Variants in ESYT3 observed in about 807,000 individuals in gnomAD.
The protein encoded by ESYT3 is extended synaptotagmin-3.
ESYT3 carries 101 observed loss-of-function variants against 111.5 expected under a neutral mutation model. The observed-to-expected ratio is 0.91, with a 90% confidence interval of 0.77 to 1.07. The LOEUF is 1.07. Ranked by LOEUF, ESYT3 falls within the 50% of genes least tolerant of loss-of-function variation. ESYT3 has a pLI of 0.00. For missense variants in ESYT3, 1,097 were observed against 1,109.4 expected (o/e 0.99, Z 0.16); for synonymous variants, 416 against 446.8 (o/e 0.93, Z 0.87).
chr3:138,437,308 G>A (rs913859678), intron 1 of ESYT3, among the ~76,000 whole-genome samples: 2 of 152,136 alleles, frequency 1.3e-5, no homozygotes, highest in Non-Finnish European at 2.9e-5. Context: ...TATTGTCCCC[G>A]AATCACAGCC....
chr3:138,460,032 CCGGTGAGTCCCAAGGA>C lies in ESYT3; in HGVS notation c.738_738+15del, dbSNP rs1210998951. 2.2e-5 allele frequency: 36 copies of C among 1,613,930 alleles called. No individual in the cohort carries two copies. The highest frequency in any genetic ancestry group is 5.0e-5 in the Admixed American group (3 of 60,002). On this transcript the variant is annotated splice_donor_variant and splice_donor_5th_base_variant and coding_sequence_variant and intron_variant, in exon 6 of 23. Transcript: ENST00000389567. LOFTEE classifies it high-confidence loss of function. Reference sequence around the variant, plus strand: ...CGTGACTGTGTTCTTCCTTCAGAAGCCGGTGAGTCCCAAGGACTGCGGTAAGCCTGCTGCTCCCTGG... The same window carrying C: ...CGTGACTGTGTTCTTCCTTCAGAAGCCTGCGGTAAGCCTGCTGCTCCCTGG...
chr3:138,476,222 G>A lies in ESYT3; in HGVS notation c.2469-1G>A, dbSNP rs201921469. On this transcript the variant is annotated splice_acceptor_variant, in intron 20 of 22. Transcript: ENST00000389567. LOFTEE classifies it high-confidence loss of function. Reference sequence around the variant, plus strand: ...TCTCACTTCCTTTTTGCTTCCTAAAGATTTGAATTTTTTGTTCCCATGGAA... The same window carrying A: ...TCTCACTTCCTTTTTGCTTCCTAAAAATTTGAATTTTTTGTTCCCATGGAA... 15 of 1,601,942 alleles carry A rather than the reference G, an allele frequency of 9.4e-6. No individual in the cohort carries two copies. Among genetic ancestry groups the A allele is most frequent in the South Asian group, 6.6e-5 (6 of 90,314 alleles).
chr3:138,481,218 C>T (rs1214582896), downstream of ESYT3: 2 of 152,200 alleles, frequency 1.3e-5, no homozygotes, highest in African/African-American at 4.8e-5. Flanking sequence ...ACACATCTCT[C>T]CGTGAAAATT....
chr3:138,468,216 C>G, intron 12 of ESYT3, 22 bp downstream of exon 12: 1 of 1,610,662 alleles, frequency 6.2e-7, no homozygotes, highest in Non-Finnish European at 8.5e-7. Context: ...GTGTCAAGGG[C>G]TCCCTTGCAG....
At position 138,477,196 on chromosome 3, in the gene ESYT3, T is replaced by C. The variant is rs965817710; in HGVS notation, c.*342T>C. On this transcript the variant is annotated 3_prime_UTR_variant, in exon 23 of 23. Coordinates refer to ENST00000389567, the MANE Select transcript of ESYT3 (RefSeq NM_031913.5). ...GTAGGTAATTATATACCATCTGATT[T>C]AGGACTTACCTGAATGTATGTACCA... is the stretch of plus-strand genomic sequence containing the variant. 1.5e-5 allele frequency: 3 copies of C among 194,386 alleles called. No homozygotes were observed. The highest frequency in any genetic ancestry group is 7.1e-5 in the African/African-American group (3 of 42,196). The allele number at this position is 194,386 out of a possible 1,614,324, so 12.0% of individuals were successfully genotyped here.
intron 21 of ESYT3, 22 bp downstream of exon 21, chr3:138,476,350 T>A: frequency 6.2e-7 from 1 of 1,602,874 alleles, no homozygotes. Context: ...AGATATTTGA[T>A]ATACCAAGGA....
chr3:138,448,691 T>C (rs2031724298), intron 1 of ESYT3, among the ~76,000 whole-genome samples: 1 of 152,190 alleles, frequency 6.6e-6, no homozygotes, highest in Non-Finnish European at 1.5e-5. Context: ...GAAAAATAGA[T>C]TGATCTGTCG....
At chr3:138,455,122 T>G in intron 2 of ESYT3, 72 bp from the exon 3 acceptor site, 1 of 1,570,280 alleles carries the variant, frequency 6.4e-7, no homozygotes, top group African/African-American at 1.3e-5. Context: ...ATCAGGACCT[T>G]GTCCCATGCA....
In ESYT3 at chr3:138,470,734, T is replaced by C. The variant is rs573789393; in HGVS notation, c.1591-143T>C. ...AAGGACCAGGTCTGGCCTGATCCCA[T>C]TCTAGTTTTCAGAATAGGACCAGAT... is the stretch of plus-strand genomic sequence containing the variant. On this transcript the variant is annotated intron_variant, in intron 16 of 22. Coordinates refer to ENST00000389567, the MANE Select transcript of ESYT3 (RefSeq NM_031913.5). 175 of 1,502,856 alleles carry C rather than the reference T, an allele frequency of 1.2e-4. 3 individuals are homozygous for C. In the South Asian group the frequency reaches 1.6e-3, roughly 14 times the overall value. 93.1% of individuals were successfully genotyped at this position (1,502,856 alleles called of 1,614,324 possible).
Position 138,434,687 on chromosome 3 carries a change from G to C in ESYT3, c.-112G>C, listed in dbSNP as rs905177127. 1 of 995,714 alleles carries C rather than the reference G, an allele frequency of 1.0e-6. No homozygotes were observed. The highest frequency in any genetic ancestry group is 1.7e-5 in the African/African-American group (1 of 59,820). The allele number at this position is 995,714 out of a possible 1,614,324, so 61.7% of individuals were successfully genotyped here. A position where few individuals can be genotyped will look rare whatever the true frequency, so the allele number is the denominator to read the frequency against. ...GCGCCGAGAGTCCCAGCAGGGCAAGGGGGCGCGGCGTCCTGGTCCTCGAGC... is the reference window on the plus strand; with the variant it reads ...GCGCCGAGAGTCCCAGCAGGGCAAGCGGGCGCGGCGTCCTGGTCCTCGAGC... On this transcript the variant is annotated 5_prime_UTR_variant, in exon 1 of 23. Coordinates refer to ENST00000389567, the MANE Select transcript of ESYT3 (RefSeq NM_031913.5).
intron 2 of ESYT3, among the ~76,000 whole-genome samples, chr3:138,453,674 AAGAT>A (rs1467337575): frequency 6.6e-6 from 1 of 152,160 alleles, no homozygotes; most frequent in African/African-American, 2.4e-5. Flanking sequence ...TACTGAAAGA[AAGAT>A]GTAACGCAGG....
In ESYT3 at chr3:138,450,082, C is replaced by T. The variant is rs115537516; in HGVS notation, c.328-1966C>T. Among the ~76,000 whole-genome samples the T allele has an allele frequency of 3.9e-3, 588 of 152,166 alleles. 6 individuals carry two copies. Among genetic ancestry groups the T allele is most frequent in the African/African-American group, 0.014 (566 of 41,502 alleles). On this transcript the variant is annotated intron_variant, in intron 1 of 22. Transcript: ENST00000389567. ...CTGCAAGTGAAGTCTAAGATAGTGA[C>T]GAACGAATCAATCAAAGGGGAGTAG...
Position 138,459,179 on chromosome 3 carries a change from C to G in ESYT3, c.582-8C>G. 1 of 1,503,618 alleles carries G rather than the reference C, an allele frequency of 6.7e-7. No homozygotes were observed. 93.1% of individuals were successfully genotyped at this position (1,503,618 alleles called of 1,614,324 possible). Reference sequence around the variant, plus strand: ...CTCCCCACCTTCCTTTTCCACCCCCCATTTCAGCTACATCGGGGACTGTGA... The same window carrying G: ...CTCCCCACCTTCCTTTTCCACCCCCGATTTCAGCTACATCGGGGACTGTGA... On this transcript the variant is annotated splice_polypyrimidine_tract_variant and splice_region_variant and intron_variant, in intron 4 of 22. Transcript: ENST00000389567.
In ESYT3 at chr3:138,464,457, A is replaced by G. The variant is rs573716599; in HGVS notation, c.1028A>G (p.His343Arg). Residue 343 changes from histidine to arginine, a missense_variant, in exon 9 of 23, where the codon CAT becomes CGT. Transcript: ENST00000389567. ...GCCAAGGTGAGCATCGGCCTACAGC[A>G]TTTCCGGAGTAGGACCATCTACAGG... The part of the protein sequence containing the change: ...PYAKVSIGLQ[H>R]FRSRTIYRNL... The G allele has an allele frequency of 6.2e-7, 1 of 1,614,150 alleles. No homozygotes were observed. The highest frequency in any genetic ancestry group is 1.1e-5 in the South Asian group (1 of 91,080).
chr3:138,444,723 G>C (rs1038754799), intron 1 of ESYT3, among the ~76,000 whole-genome samples: 5 of 152,212 alleles, frequency 3.3e-5, no homozygotes, highest in African/African-American at 1.2e-4. Context: ...CGGAGCCAGG[G>C]AAATCATAAT....
At chr3:138,450,318 G>C (rs1399148199) in intron 1 of ESYT3, among the ~76,000 whole-genome samples, 1 of 152,194 alleles carries the variant, frequency 6.6e-6, no homozygotes, top group Non-Finnish European at 1.5e-5. Flanking sequence ...CCTTCCATTT[G>C]CCTGGTTCCC....
intron 1 of ESYT3, among the ~76,000 whole-genome samples, chr3:138,448,190 C>A (rs940299738): frequency 9.4e-5 from 14 of 149,502 alleles, no homozygotes; most frequent in African/African-American, 3.2e-4. Flanking sequence ...TCACTTGAAC[C>A]CAGTGGGTGG....
chr3:138,472,455 C>T lies in ESYT3; in HGVS notation c.1833C>T (p.Thr611=). 1 of 1,614,196 alleles carries T rather than the reference C, an allele frequency of 6.2e-7. No homozygotes were observed. Among genetic ancestry groups the T allele is most frequent in the Non-Finnish European group, 8.5e-7 (1 of 1,180,044 alleles). The change falls in exon 18 of 23, where the codon ACC becomes ACT. Residue 611 remains threonine, a synonymous_variant. Coordinates refer to ENST00000389567, the MANE Select transcript of ESYT3 (RefSeq NM_031913.5). ...KGPLLIKKVA[T]NQGPKAQPQE... is the part of the protein sequence containing the mutation. ...CTCTGCTCATCAAGAAAGTGGCTAC[C>T]AACCAGGGTCCCAAAGCCCAACCTC...
At chr3:138,468,225 A>T in intron 12 of ESYT3, 31 bp downstream of exon 12, 1 of 1,602,534 alleles carries the variant, frequency 6.2e-7, no homozygotes, top group Non-Finnish European at 8.6e-7. Context: ...GCTCCCTTGC[A>T]GAAAGGTGGA....
Sources: allele counts gnomAD v4.1 joint callset (sites outside exome capture counted in the v4.1 genomes callset), GRCh38; gene constraint gnomAD v4.1.1; transcripts MANE v1.5; gene names NCBI Gene and HGNC (gene_info 2026-07-23, HGNC 2026-07-21).